SHROOM4: variants seen among roughly 807,000 people sequenced by gnomAD.
The protein encoded by SHROOM4 is shroom family member 4.
A neutral mutation model predicts 80.3 loss-of-function variants in SHROOM4; 17 were observed. The ratio of observed to expected loss-of-function variants is 0.21; its 90% CI spans 0.14 to 0.32. The LOEUF is 0.32. Ranked by LOEUF, SHROOM4 falls within the 10% of genes least tolerant of loss-of-function variation. The pLI, the probability that SHROOM4 is intolerant of heterozygous loss-of-function variation, is 1.00. For missense variants in SHROOM4, 993 were observed against 1,140.3 expected (o/e 0.87, Z 1.86); for synonymous variants, 400 against 437.5 (o/e 0.91, Z 1.07).
intron 1 of SHROOM4, among the ~76,000 whole-genome samples, chrX:50,741,259 A>AAT (rs1269352731): frequency 9.0e-6 from 1 of 110,676 alleles, no homozygotes; most frequent in East Asian, 2.8e-4. Flanking sequence ...TAGAGAGTAG[A>AAT]ATGGTGGTTA....
At chrX:50,578,168 A>T in the SHROOM4 span, among the ~76,000 whole-genome samples, 1 of 112,464 alleles carries the variant, frequency 8.9e-6, no homozygotes, top group African/African-American at 3.2e-5. Context: ...TCCTCTACAA[A>T]GAAAGGAATT....
At chrX:50,795,075 G>A (rs1287841529) in intron 1 of SHROOM4, among the ~76,000 whole-genome samples, 6 of 22,123 alleles carry the variant, frequency 2.7e-4, no homozygotes, top group Non-Finnish European at 4.4e-4. Context: ...ATATATATAT[G>A]ATATATATAT....
chrX:50,659,379 A>C (rs1932419585), intron 2 of SHROOM4, among the ~76,000 whole-genome samples: 1 of 111,448 alleles, frequency 9.0e-6, no homozygotes, highest in South Asian at 3.8e-4. Context: ...AGGAGGTAAA[A>C]TCAGTTAGTC....
chrX:50,576,645 C>T, the SHROOM4 span, among the ~76,000 whole-genome samples: 3 of 110,187 alleles, frequency 2.7e-5, no homozygotes, highest in Non-Finnish European at 5.7e-5. Context: ...TCTGTTTGTT[C>T]CCTCTGCTTT....
intron 1 of SHROOM4, among the ~76,000 whole-genome samples, chrX:50,717,303 C>T (rs1020873828): frequency 1.1e-4 from 12 of 111,707 alleles, no homozygotes; most frequent in Non-Finnish European, 1.5e-4. Context: ...CTGCAAGCTC[C>T]GCCTCCCGGG....
Position 50,634,132 on chromosome X carries a change from G to A in SHROOM4, c.1941C>T (p.Pro647=). The A allele has an allele frequency of 8.3e-7, 1 of 1,211,614 alleles. No homozygotes were observed. The highest frequency in any genetic ancestry group is 1.8e-5 in the South Asian group (1 of 56,977). ...TGTTGAAGAGCTTGTCTCTGGGGCT[G>A]GGAGGTTTTTTACATGAAGATAGAA... ...TSLLSSCKKP[P]SPRDKLFNKS... is the part of the protein sequence containing the mutation. Residue 647 remains proline, a synonymous_variant, in exon 4 of 9, where the codon CCC becomes CCT. Coordinates refer to ENST00000376020, the MANE Select transcript of SHROOM4 (RefSeq NM_020717.5).
At position 50,638,435 on chromosome X, in the gene SHROOM4, G is replaced by A. The variant is rs1286609579; in HGVS notation, c.270-127C>T. 9 of 837,939 alleles carry A rather than the reference G, an allele frequency of 1.1e-5. No homozygotes were observed. The East Asian group carries it at 3.1e-4, about 29-fold the overall frequency. The allele number at this position is 837,939 out of a possible 1,213,427, so 69.1% of individuals were successfully genotyped here. A position where few individuals can be genotyped will look rare whatever the true frequency, so the allele number is the denominator to read the frequency against. ...AACATCTTGCAAGGAACTGGTGTGGGAATCTTAGTGGCCCTCCTGAGCTCC... is the reference window on the plus strand; with the variant it reads ...AACATCTTGCAAGGAACTGGTGTGGAAATCTTAGTGGCCCTCCTGAGCTCC... On this transcript the variant is annotated intron_variant, in intron 2 of 8. Transcript: ENST00000376020.
chrX:50,578,818 A>G, the SHROOM4 span, among the ~76,000 whole-genome samples: 3 of 112,014 alleles, frequency 2.7e-5, no homozygotes, highest in Admixed American at 9.5e-5. Context: ...TCACACAAAG[A>G]CCCTCATTGA....
chrX:50,743,061 C>T (rs1177725126), intron 1 of SHROOM4, among the ~76,000 whole-genome samples: 2 of 109,593 alleles, frequency 1.8e-5, no homozygotes, highest in Non-Finnish European at 3.8e-5. Flanking sequence ...CCATTGGGAC[C>T]TCTTTCAATT....
chrX:50,798,726 G>C (rs1569549219), intron 1 of SHROOM4, among the ~76,000 whole-genome samples: 3 of 111,475 alleles, frequency 2.7e-5, no homozygotes, highest in Admixed American at 1.9e-4. Flanking sequence ...GAAGATTAGA[G>C]AGTATGCATA....
intron 1 of SHROOM4, among the ~76,000 whole-genome samples, chrX:50,784,031 G>A (rs1247221203): frequency 2.7e-5 from 3 of 112,594 alleles, no homozygotes; most frequent in Admixed American, 9.4e-5. Context: ...AAACATATGG[G>A]TTAATGTTAC....
intron 2 of SHROOM4, among the ~76,000 whole-genome samples, chrX:50,658,714 A>G (rs1932396250): frequency 1.8e-5 from 2 of 111,516 alleles, no homozygotes; most frequent in Admixed American, 1.9e-4. Context: ...AATTGATAAT[A>G]AAAGGGAAAG....
At chrX:50,801,726 G>A (rs1936126823) in intron 1 of SHROOM4, among the ~76,000 whole-genome samples, 1 of 111,830 alleles carries the variant, frequency 8.9e-6, no homozygotes, top group Non-Finnish European at 1.9e-5. Context: ...GCAACAGAGG[G>A]AAGTTAGCAA....
chrX:50,738,480 G>T (rs782146202), intron 1 of SHROOM4, among the ~76,000 whole-genome samples: 2 of 111,817 alleles, frequency 1.8e-5, no homozygotes, highest in African/African-American at 3.3e-5. Flanking sequence ...CTTCAGCAAA[G>T]TCTCAGGATA....
At chrX:50,761,190 C>T (rs1431639163) in intron 1 of SHROOM4, among the ~76,000 whole-genome samples, 1 of 110,886 alleles carries the variant, frequency 9.0e-6, no homozygotes, top group Non-Finnish European at 1.9e-5. Context: ...TCCCTCCTCT[C>T]ACCCTCCATC....
intron 1 of SHROOM4, among the ~76,000 whole-genome samples, chrX:50,751,198 A>G (rs1189881256): frequency 1.2e-4 from 14 of 112,253 alleles, no homozygotes; most frequent in African/African-American, 4.2e-4. Context: ...TATGCCAAAG[A>G]GAGTCCACAA....
intron 2 of SHROOM4, among the ~76,000 whole-genome samples, chrX:50,684,653 G>T (rs782606268): frequency 2.1e-4 from 24 of 111,867 alleles, no homozygotes; most frequent in Non-Finnish European, 3.9e-4. Context: ...GGAGACTTGA[G>T]CTGGTTTGTA....
chrX:50,740,970 G>T (rs1557267170), intron 1 of SHROOM4, among the ~76,000 whole-genome samples: 1 of 111,411 alleles, frequency 9.0e-6, no homozygotes, highest in African/African-American at 3.3e-5. Context: ...TTCTGTAGAT[G>T]GTGGGACATA....
the SHROOM4 span, among the ~76,000 whole-genome samples, chrX:50,581,467 A>C: frequency 9.0e-6 from 1 of 111,515 alleles, no homozygotes; most frequent in Non-Finnish European, 1.9e-5. Context: ...TTTGCCTGTC[A>C]GTCCGGCTGA....
Sources: gnomAD v4.1 joint callset for allele counts (sites outside exome capture counted in the v4.1 genomes callset) on GRCh38, gnomAD v4.1.1 for gene constraint, MANE v1.5 for transcripts, NCBI Gene and HGNC (gene_info 2026-07-23, HGNC 2026-07-21) for gene names.